Variants in C13orf46 observed in about 807,000 individuals in gnomAD.
C13orf46 encodes uncharacterized protein C13orf46.
chr13:113,952,669 G>A (rs2052493973), downstream of C13orf46, among the ~76,000 whole-genome samples: 3 of 152,338 alleles, frequency 2.0e-5, no homozygotes, highest in South Asian at 6.2e-4. Context: ...CCATAGGACT[G>A]AAGGCCAAGG....
the C13orf46 span, among the ~76,000 whole-genome samples, chr13:113,929,358 C>T: frequency 6.6e-6 from 1 of 152,282 alleles, no homozygotes; most frequent in Non-Finnish European, 1.5e-5. Flanking sequence ...CCTCGCTCTG[C>T]TCCCAAACCA....
At chr13:113,963,588 C>T (rs902237582) in intron 6 of C13orf46, among the ~76,000 whole-genome samples, 1 of 145,914 alleles carries the variant, frequency 6.9e-6, no homozygotes. Context: ...TCCTCAGCCT[C>T]GGCCCCTGTC....
At chr13:113,972,386 A>G (rs117601063) in intron 1 of C13orf46, among the ~76,000 whole-genome samples, 1,604 of 152,328 alleles carry the variant, frequency 0.011, 16 homozygotes, top group Middle Eastern at 0.068. Context: ...ATTACCTCTT[A>G]AAATTGTCCC....
intron 6 of C13orf46, among the ~76,000 whole-genome samples, chr13:113,958,717 C>CT (rs1414142779): frequency 1.3e-5 from 2 of 152,110 alleles, no homozygotes; most frequent in African/African-American, 4.8e-5. Flanking sequence ...TCTTGAAAAG[C>CT]TTTTTTTTCC....
chr13:113,949,220 T>C (rs1174717826), downstream of C13orf46, among the ~76,000 whole-genome samples: 2 of 152,254 alleles, frequency 1.3e-5, no homozygotes, highest in African/African-American at 2.4e-5. Flanking sequence ...CTCCCCACTC[T>C]CTTCACTGAG....
chr13:113,968,017 A>C (rs1484296972), intron 4 of C13orf46, among the ~76,000 whole-genome samples: 29 of 152,166 alleles, frequency 1.9e-4, no homozygotes, highest in African/African-American at 7.0e-4. Flanking sequence ...GAATGAAAGC[A>C]AGGCCCGCCT....
the C13orf46 span, among the ~76,000 whole-genome samples, chr13:113,935,625 G>A: frequency 6.6e-6 from 1 of 152,238 alleles, no homozygotes; most frequent in Non-Finnish European, 1.5e-5. Context: ...CCCTGGAAGG[G>A]CCAAACTGGC....
chr13:113,939,706 ATGT>A, the C13orf46 span, among the ~76,000 whole-genome samples: 1 of 152,118 alleles, frequency 6.6e-6, no homozygotes, highest in Non-Finnish European at 1.5e-5. Context: ...AGCCCTGGAG[ATGT>A]TGTCACTCAG....
intron 6 of C13orf46, among the ~76,000 whole-genome samples, chr13:113,963,651 G>C (rs1457393148): frequency 3.6e-5 from 3 of 84,144 alleles, no homozygotes; most frequent in Non-Finnish European, 9.4e-5. Context: ...AGCCTCGCCC[G>C]TCCTCAGCCT....
intron 6 of C13orf46, among the ~76,000 whole-genome samples, chr13:113,963,733 G>C (rs2052611796): frequency 6.6e-6 from 1 of 151,240 alleles, no homozygotes; most frequent in Non-Finnish European, 1.5e-5. Flanking sequence ...TCGAAAGTCA[G>C]GTGCTCCCAT....
the C13orf46 span, among the ~76,000 whole-genome samples, chr13:113,946,219 T>C: frequency 6.6e-6 from 1 of 152,154 alleles, no homozygotes; most frequent in Non-Finnish European, 1.5e-5. Flanking sequence ...AGCACTGTAC[T>C]CCCCACCGGC....
chr13:113,965,922 A>ATG (rs2052637969), intron 5 of C13orf46, among the ~76,000 whole-genome samples: 2 of 145,882 alleles, frequency 1.4e-5, no homozygotes, highest in Non-Finnish European at 3.0e-5. Flanking sequence ...TGATGGTGAC[A>ATG]ATGATGATGA....
At chr13:113,948,780 G>C (rs1166424177), downstream of C13orf46, among the ~76,000 whole-genome samples, 1 of 152,232 alleles carries the variant, frequency 6.6e-6, no homozygotes, top group Non-Finnish European at 1.5e-5. Flanking sequence ...AATCGAAGGA[G>C]ACCTGAATAA....
intron 6 of C13orf46, among the ~76,000 whole-genome samples, chr13:113,963,072 C>G (rs928484962): frequency 4.6e-5 from 7 of 152,224 alleles, no homozygotes; most frequent in Non-Finnish European, 1.0e-4. Context: ...AATCCGTCAG[C>G]AAAGCCAGAC....
chr13:113,965,622 GGTGATGATGACA>G (rs1233472594), intron 5 of C13orf46, among the ~76,000 whole-genome samples: 2 of 152,230 alleles, frequency 1.3e-5, no homozygotes, highest in South Asian at 2.1e-4. Flanking sequence ...TGGTGATGGT[GGTGATGATGACA>G]GTGATGATGA....
the C13orf46 span, among the ~76,000 whole-genome samples, chr13:113,929,752 C>T: frequency 1.3e-5 from 2 of 152,234 alleles, no homozygotes; most frequent in African/African-American, 2.4e-5. Flanking sequence ...CTGGGCAACC[C>T]GCTGCCAGTG....
chr13:113,937,173 T>C, the C13orf46 span, among the ~76,000 whole-genome samples: 83 of 152,342 alleles, frequency 5.4e-4, 1 homozygote, highest in African/African-American at 1.8e-3. Flanking sequence ...TCTCTTTCAC[T>C]GCCATAATTT....
At chr13:113,958,009 TG>T (rs2052555164) in intron 6 of C13orf46, among the ~76,000 whole-genome samples, 1 of 130,340 alleles carries the variant, frequency 7.7e-6, no homozygotes, top group African/African-American at 3.0e-5. Flanking sequence ...TCAAGCACAC[TG>T]GGGGATCTCC....
chr13:113,950,283 C>T (rs1213161084), downstream of C13orf46, among the ~76,000 whole-genome samples: 1 of 130,848 alleles, frequency 7.6e-6, no homozygotes, highest in Non-Finnish European at 1.6e-5. Context: ...GTGCTCCCAT[C>T]TGTAGAGTGG....
Sources: allele counts gnomAD v4.1 joint callset (sites outside exome capture counted in the v4.1 genomes callset), GRCh38; gene constraint gnomAD v4.1.1; transcripts MANE v1.5; gene names NCBI Gene and HGNC (gene_info 2026-07-23, HGNC 2026-07-21).